The following ELMO1 variants were observed in gnomAD, a reference collection of about 807,000 sequenced individuals.
ELMO1 encodes engulfment and cell motility 1.
Under a neutral mutation model 98.9 loss-of-function variants are expected in ELMO1, and 26 were observed. The ratio of observed to expected loss-of-function variants is 0.26; its 90% CI spans 0.19 to 0.36. The LOEUF is 0.36. Among genes scored for constraint, ELMO1 ranks in the 10% least tolerant of loss-of-function variants. ELMO1 has a pLI of 1.00. For synonymous variants in ELMO1, 346 were observed against 346.0 expected, an observed-to-expected ratio of 1.00 and a Z score of 0.00; for missense variants, 627 against 935.2, an observed-to-expected ratio of 0.67 and a Z score of 4.30.
At chr7:37,014,281 C>T (rs567925041) in intron 15 of ELMO1, among the ~76,000 whole-genome samples, 3 of 152,184 alleles carry the variant, frequency 2.0e-5, no homozygotes, top group African/African-American at 7.2e-5. Context: ...CCTCTTACCA[C>T]TCGTATCTTA....
chr7:37,109,397 T>C (rs574632700), intron 14 of ELMO1, among the ~76,000 whole-genome samples: 2 of 152,328 alleles, frequency 1.3e-5, no homozygotes, highest in South Asian at 2.1e-4. Context: ...TTCCTGTAAA[T>C]GCTGTGAGTG....
intron 13 of ELMO1, among the ~76,000 whole-genome samples, chr7:37,139,675 C>A (rs1283777388): frequency 1.3e-5 from 2 of 152,102 alleles, no homozygotes; most frequent in Non-Finnish European, 2.9e-5. Flanking sequence ...CAATTCCTAT[C>A]CAAATACCAC....
At chr7:37,115,715 A>G (rs952563173) in intron 14 of ELMO1, among the ~76,000 whole-genome samples, 4 of 151,684 alleles carry the variant, frequency 2.6e-5, no homozygotes, top group Non-Finnish European at 5.9e-5. Context: ...TATCACCCCT[A>G]TGTAACATCT....
At chr7:37,245,372 C>T (rs929318460) in intron 6 of ELMO1, among the ~76,000 whole-genome samples, 3 of 152,176 alleles carry the variant, frequency 2.0e-5, no homozygotes, top group African/African-American at 7.2e-5. Context: ...GGACTGAATA[C>T]ACGGTTGACA....
At chr7:37,196,818 C>T (rs1791989268) in intron 13 of ELMO1, among the ~76,000 whole-genome samples, 1 of 152,166 alleles carries the variant, frequency 6.6e-6, no homozygotes, top group African/African-American at 2.4e-5. Flanking sequence ...CTAAAATAGA[C>T]ATAATAATCC....
At chr7:37,124,236 G>A (rs1476297173) in intron 14 of ELMO1, among the ~76,000 whole-genome samples, 1 of 152,204 alleles carries the variant, frequency 6.6e-6, no homozygotes, top group African/African-American at 2.4e-5. Flanking sequence ...AGACAGGGAT[G>A]CACTCTCTCA....
At chr7:37,448,122 A>C (rs1271905195) in intron 1 of ELMO1, among the ~76,000 whole-genome samples, 1 of 150,252 alleles carries the variant, frequency 6.7e-6, no homozygotes, top group Non-Finnish European at 1.5e-5. Context: ...CCTCTGGCCC[A>C]TCACCGCCCC....
At chr7:36,879,406 C>T (rs961318472) in intron 18 of ELMO1, among the ~76,000 whole-genome samples, 1 of 152,234 alleles carries the variant, frequency 6.6e-6, no homozygotes, top group African/African-American at 2.4e-5. Flanking sequence ...GGCCAAGTTA[C>T]CTCATTATTG....
intron 15 of ELMO1, among the ~76,000 whole-genome samples, chr7:37,076,341 C>T (rs1462736282): frequency 6.6e-6 from 1 of 152,108 alleles, no homozygotes; most frequent in Non-Finnish European, 1.5e-5. Flanking sequence ...AAGAGGAATA[C>T]TCAAAAATGA....
At chr7:37,206,843 A>G (rs899060138) in intron 13 of ELMO1, among the ~76,000 whole-genome samples, 3 of 152,090 alleles carry the variant, frequency 2.0e-5, no homozygotes, top group Non-Finnish European at 4.4e-5. Context: ...AAAAAAAAAA[A>G]GCTTATTTTC....
intron 1 of ELMO1, among the ~76,000 whole-genome samples, chr7:37,347,750 G>T (rs938488030): frequency 1.3e-5 from 2 of 151,950 alleles, no homozygotes; most frequent in Non-Finnish European, 2.9e-5. Flanking sequence ...CATGCAAACG[G>T]ACTAATACAG....
intron 15 of ELMO1, among the ~76,000 whole-genome samples, chr7:37,056,136 G>A (rs532436332): frequency 1.2e-4 from 19 of 152,256 alleles, no homozygotes; most frequent in East Asian, 5.8e-4. Flanking sequence ...TTGTTGAGTC[G>A]TTCTCACACT....
chr7:37,378,471 A>G (rs1423404670), intron 1 of ELMO1, among the ~76,000 whole-genome samples: 1 of 152,204 alleles, frequency 6.6e-6, no homozygotes, highest in African/African-American at 2.4e-5. Flanking sequence ...TGATACGAAA[A>G]TAGAAAGAGG....
At chr7:36,921,750 C>A (rs1376346672) in intron 16 of ELMO1, among the ~76,000 whole-genome samples, 1 of 152,154 alleles carries the variant, frequency 6.6e-6, no homozygotes, top group Non-Finnish European at 1.5e-5. Context: ...GGATTCCTTG[C>A]ACAAACCTCT....
chr7:36,871,919 A>T (rs769435002), intron 19 of ELMO1, among the ~76,000 whole-genome samples: 4 of 152,126 alleles, frequency 2.6e-5, no homozygotes, highest in Non-Finnish European at 4.4e-5. Flanking sequence ...CCTCTCTGTA[A>T]CCCTAAGAGT....
chr7:37,188,505 A>AATAATG (rs1791380250), intron 13 of ELMO1, among the ~76,000 whole-genome samples: 1 of 135,230 alleles, frequency 7.4e-6, no homozygotes, highest in African/African-American at 2.9e-5. Context: ...AAAAAAAAAT[A>AATAATG]ATAATAATAA....
chr7:37,045,538 C>T (rs1795750238), intron 15 of ELMO1, among the ~76,000 whole-genome samples: 1 of 152,154 alleles, frequency 6.6e-6, no homozygotes, highest in Admixed American at 6.5e-5. Flanking sequence ...CTCCTTTGCT[C>T]ACTTCTTTTG....
intron 16 of ELMO1, among the ~76,000 whole-genome samples, chr7:36,958,694 C>T (rs992254068): frequency 6.6e-6 from 1 of 152,080 alleles, no homozygotes; most frequent in Non-Finnish European, 1.5e-5. Flanking sequence ...CTTCTCGTGG[C>T]ACTACAAAAC....
At chr7:37,380,976 G>A (rs543524901) in intron 1 of ELMO1, among the ~76,000 whole-genome samples, 1 of 152,300 alleles carries the variant, frequency 6.6e-6, no homozygotes, top group African/African-American at 2.4e-5. Flanking sequence ...ACAAAAATGT[G>A]AAAAACGTGG....
Sources: allele counts gnomAD v4.1 joint callset (sites outside exome capture counted in the v4.1 genomes callset), GRCh38; gene constraint gnomAD v4.1.1; transcripts MANE v1.5; gene names NCBI Gene and HGNC (gene_info 2026-07-23, HGNC 2026-07-21).